Variants in BAZ2A observed in about 807,000 individuals in gnomAD.
BAZ2A encodes bromodomain adjacent to zinc finger domain protein 2A.
BAZ2A carries 34 observed loss-of-function variants against 199.9 expected under a neutral mutation model. The ratio of observed to expected loss-of-function variants is 0.17; its 90% CI spans 0.13 to 0.23. The LOEUF is 0.23. Ranked by LOEUF, BAZ2A falls within the 10% of genes least tolerant of loss-of-function variation. BAZ2A has a pLI of 1.00. For synonymous variants in BAZ2A, 857 were observed against 883.9 expected (o/e 0.97, Z 0.54); for missense variants, 2,002 against 2,391.1 (o/e 0.84, Z 3.39).
chr12:56,615,301 C>G lies in BAZ2A; in HGVS notation c.443G>C (p.Trp148Ser). The G allele has an allele frequency of 6.2e-7, 1 of 1,613,874 alleles. No homozygotes were observed. Among genetic ancestry groups the G allele is most frequent in the Non-Finnish European group, 8.5e-7 (1 of 1,179,846 alleles). The change falls in exon 3 of 29, where the codon TGG becomes TCG. Residue 148 changes from tryptophan to serine, a missense_variant. By Grantham distance (177) the Trp-to-Ser change is radical. Coordinates refer to ENST00000549884, the MANE Select transcript of BAZ2A (RefSeq NM_001300905.2). Reference protein sequence around the residue: ...TNLRAGSQEFWANGTQSPMGL... With the variant: ...TNLRAGSQEFSANGTQSPMGL... ...CATGGGACTCTGGGTACCGTTGGCC[C>G]AGAACTCTTGGCTCCCAGCCCGAAG...
At chr12:56,607,440 C>T (rs1321464332) in intron 10 of BAZ2A, among the ~76,000 whole-genome samples, 2 of 152,170 alleles carry the variant, frequency 1.3e-5, no homozygotes, top group African/African-American at 4.8e-5. Context: ...GGCACAATCT[C>T]GGCTCACTGC....
At chr12:56,612,287 AGGCATCAC>A in intron 5 of BAZ2A, 41 bp from the exon 6 acceptor site, 5 of 1,430,164 alleles carry the variant, frequency 3.5e-6, no homozygotes, top group Non-Finnish European at 3.8e-6. Flanking sequence ...AAAAAAAAAA[AGGCATCAC>A]ATAAAACAAG....
chr12:56,621,483 G>C (rs1950920206), intron 1 of BAZ2A, among the ~76,000 whole-genome samples: 1 of 152,014 alleles, frequency 6.6e-6, no homozygotes, highest in South Asian at 2.1e-4. Context: ...ACAATGTAGT[G>C]GGCTCTAGGT....
intron 1 of BAZ2A, among the ~76,000 whole-genome samples, chr12:56,625,831 G>A (rs1592621886): frequency 6.3e-5 from 9 of 142,466 alleles, no homozygotes; most frequent in Admixed American, 2.9e-4. Context: ...AGTCGAGATC[G>A]CGCCACTGCA....
upstream of BAZ2A, among the ~76,000 whole-genome samples, chr12:56,630,556 T>C (rs1951280795): frequency 6.6e-6 from 1 of 152,242 alleles, no homozygotes; most frequent in Non-Finnish European, 1.5e-5. Context: ...CTGAAAGGCA[T>C]GCCACAGTCC....
chr12:56,603,810 C>G (rs536552973), intron 16 of BAZ2A, 110 bp from the exon 17 acceptor site: 1 of 1,221,256 alleles, frequency 8.2e-7, no homozygotes. Context: ...GTCAGGAGTT[C>G]GAGACCAGCC....
At chr12:56,620,713 A>C (rs1421892460) in intron 1 of BAZ2A, among the ~76,000 whole-genome samples, 1 of 151,936 alleles carries the variant, frequency 6.6e-6, no homozygotes, top group Non-Finnish European at 1.5e-5. Flanking sequence ...GCACCCGCCA[A>C]CACGCCCAGA....
At chr12:56,615,640 G>C in intron 2 of BAZ2A, 33 bp from the exon 3 acceptor site, 2 of 1,478,228 alleles carry the variant, frequency 1.4e-6, no homozygotes, top group South Asian at 1.3e-5. Flanking sequence ...GTCAGTTACA[G>C]ATATGTAGGC....
rs1419804779 is a variant in BAZ2A, at chr12:56,635,401, C to T, written c.4+781G>A. Among the ~76,000 whole-genome samples the T allele has an allele frequency of 6.6e-6, 1 of 152,078 alleles. No individual in the cohort carries two copies. Among genetic ancestry groups the T allele is most frequent in the African/African-American group, 2.4e-5 (1 of 41,392 alleles). The stretch of plus-strand genomic sequence containing the variant: ...GGGTGCAGGAGAGGGAACTCAAGGC[C>T]GAGCCTGCTGGGGGTCACGCGCAGC... On this transcript the variant is annotated intron_variant, in intron 1 of 29. Transcript: ENST00000379441. The surrounding 1 kb of genome is among the most constrained non-coding windows in gnomAD (Gnocchi z 4.1).
chr12:56,619,137 AG>A (rs1477511658), intron 1 of BAZ2A, among the ~76,000 whole-genome samples: 1 of 151,896 alleles, frequency 6.6e-6, no homozygotes, highest in Non-Finnish European at 1.5e-5. Flanking sequence ...TGAGGTCAGG[AG>A]TTCAAGACCA....
In BAZ2A at chr12:56,595,940, A is replaced by C. The variant is rs1398073787; in HGVS notation, c.*2678T>G. ...ACAGAGTCTTTTGAATCTCTATCAA[A>C]TGTGGTTTTTTTTATTCAACAACTG... is the stretch of plus-strand genomic sequence containing the variant. On this transcript the variant is annotated 3_prime_UTR_variant, in exon 29 of 29. Coordinates refer to ENST00000549884, the MANE Select transcript of BAZ2A (RefSeq NM_001300905.2). 2.4e-4 allele frequency: 2 copies of C among 8,396 alleles called. No homozygotes were observed. The highest frequency in any genetic ancestry group is 6.6e-3 in the South Asian group (1 of 152). The allele number at this position is 8,396 out of a possible 1,614,324, so 0.5% of individuals were successfully genotyped here.
intron 1 of BAZ2A, among the ~76,000 whole-genome samples, chr12:56,621,924 A>T (rs1183955347): frequency 6.6e-6 from 1 of 152,034 alleles, no homozygotes; most frequent in Non-Finnish European, 1.5e-5. Flanking sequence ...TCCTGGCCTC[A>T]AGCAATTCTC....
rs1460532285 is a variant in BAZ2A, at chr12:56,600,303, C to T, written c.4790G>A (p.Arg1597Gln). 2 of 1,613,884 alleles carry T rather than the reference C, an allele frequency of 1.2e-6. No homozygotes were observed. The highest frequency in any genetic ancestry group is 1.7e-6 in the Non-Finnish European group (2 of 1,179,900). Residue 1597 changes from arginine to glutamine, a missense_variant, in exon 24 of 29, where the codon CGG becomes CAG. Arg to Gln is a conservative substitution (Grantham distance 43, BLOSUM62 1). This residue lies in a region of BAZ2A where 1,081 missense variants were observed against 1,274.7 expected (regional missense o/e 0.85). Coordinates refer to ENST00000549884, the MANE Select transcript of BAZ2A (RefSeq NM_001300905.2). ...RLAALEQNVERRYLREPLWPT... is the reference protein window; with the variant it reads ...RLAALEQNVEQRYLREPLWPT... Reference sequence around the variant, plus strand: ...CCAGAGGGGCTCCCGCAGGTACCGCCGTTCTACATTCTGTTCCAGGGCAGC... The same window carrying T: ...CCAGAGGGGCTCCCGCAGGTACCGCTGTTCTACATTCTGTTCCAGGGCAGC...
At chr12:56,629,449 C>T (rs1214072308) in intron 1 of BAZ2A, among the ~76,000 whole-genome samples, 1 of 152,164 alleles carries the variant, frequency 6.6e-6, no homozygotes, top group East Asian at 1.9e-4. Flanking sequence ...TTATTCTTCC[C>T]TTCTGCCCCT....
intron 1 of BAZ2A, among the ~76,000 whole-genome samples, chr12:56,620,613 G>A (rs1342653814): frequency 6.7e-6 from 1 of 149,340 alleles, no homozygotes; most frequent in Non-Finnish European, 1.5e-5. Flanking sequence ...ATGCTGGGGT[G>A]CAAGGGTGTG....
Position 56,600,813 on chromosome 12 carries a change from C to T in BAZ2A, c.4470G>A (p.Arg1490=), listed in dbSNP as rs1268484705. The T allele has an allele frequency of 2.5e-6, 4 of 1,613,732 alleles. No individual in the cohort carries two copies. The highest frequency in any genetic ancestry group is 2.2e-5 in the East Asian group (1 of 44,882). ...RPSADPIFEP[R]QLPAFQEGIM... ...TCCCTTCTTGAAAGGCAGGTAGTTG[C>T]CTGGGCTCAAAGATGGGGTCTGAGA... Residue 1490 remains arginine, a synonymous_variant, in exon 23 of 29, where the codon AGG becomes AGA. Transcript: ENST00000549884.
intron 1 of BAZ2A, among the ~76,000 whole-genome samples, chr12:56,624,697 G>A (rs1242218544): frequency 2.7e-5 from 4 of 150,860 alleles, no homozygotes; most frequent in African/African-American, 9.7e-5. Context: ...AAATCTTGAC[G>A]TACTTAAATA....
At chr12:56,634,943 A>AC (rs1205529459), upstream of BAZ2A, 4 of 984,896 alleles carry the variant, frequency 4.1e-6, no homozygotes, top group African/African-American at 1.8e-5. Context: ...GCCGGGCCTC[A>AC]CCTGGAGCAG....
Position 56,613,008 on chromosome 12 carries a change from C to T in BAZ2A, c.1135+7G>A. 6.2e-7 allele frequency: 1 copy of T among 1,607,594 alleles called. No homozygotes were observed. The highest frequency in any genetic ancestry group is 8.5e-7 in the Non-Finnish European group (1 of 1,174,936). On this transcript the variant is annotated splice_region_variant and intron_variant, in intron 5 of 28. Coordinates refer to ENST00000549884, the MANE Select transcript of BAZ2A (RefSeq NM_001300905.2). ...GGTCTTTCTTTGTCCTACCTACCGT[C>T]ACTTACCTTGCAGGACAGACTCCCC...
Sources: gnomAD v4.1 joint callset for allele counts (sites outside exome capture counted in the v4.1 genomes callset) on GRCh38, gnomAD v4.1.1 for gene constraint, gnomAD v4.1.1 regional missense constraint, Gnocchi (gnomAD v3.1) non-coding constraint, MANE v1.5 for transcripts, NCBI Gene and HGNC (gene_info 2026-07-23, HGNC 2026-07-21) for gene names.